PKP4: variants seen among roughly 807,000 people sequenced by gnomAD.
The protein encoded by PKP4 is plakophilin-4.
A neutral mutation model predicts 145.1 loss-of-function variants in PKP4; 90 were observed. That is an observed-to-expected ratio of 0.62 (90% CI 0.52 to 0.74). The LOEUF (loss-of-function observed/expected upper bound fraction) is 0.74. Among genes scored for constraint, PKP4 ranks in the 30% least tolerant of loss-of-function variants. The probability of loss-of-function intolerance (pLI) is 0.00; values close to 1 mark genes in which losing one functional copy is unlikely to be tolerated. For synonymous variants in PKP4, 563 were observed against 577.2 expected (o/e 0.98, Z 0.35); for missense variants, 1,340 against 1,482.7 (o/e 0.90, Z 1.58).
At chr2:158,550,390 TG>T (rs2045514111) in intron 2 of PKP4, among the ~76,000 whole-genome samples, 1 of 100,050 alleles carries the variant, frequency 1.0e-5, no homozygotes, top group Non-Finnish European at 2.9e-5. Flanking sequence ...TTTTGACAAA[TG>T]AATGTAGTCA....
intron 15 of PKP4, among the ~76,000 whole-genome samples, chr2:158,663,834 A>T (rs923164950): frequency 6.6e-6 from 1 of 152,234 alleles, no homozygotes; most frequent in Non-Finnish European, 1.5e-5. Context: ...TGCCCGGCAG[A>T]ATCTCTGAAG....
At position 158,567,064 on chromosome 2, in the gene PKP4, G is replaced by A. The variant is rs572452881; in HGVS notation, c.133-10207G>A. ...GGGAGGAAGGGGAGGCTGTAATAAG[G>A]GAGTAAATCATAAAATCACCCTGAA... On this transcript the variant is annotated intron_variant, in intron 2 of 21. Transcript: ENST00000389759. 7.2e-5 allele frequency among the ~76,000 whole-genome samples: 11 copies of A among 152,268 alleles called. No individual in the cohort carries two copies. The South Asian group carries it at 2.1e-3, about 29-fold the overall frequency.
intron 2 of PKP4, among the ~76,000 whole-genome samples, chr2:158,545,346 C>T (rs546605671): frequency 7.2e-5 from 11 of 151,922 alleles, no homozygotes; most frequent in African/African-American, 1.4e-4. Flanking sequence ...GAAATAAGGA[C>T]GAGAAAGAAA....
rs1300549780 is a variant in PKP4, at chr2:158,680,559, C to T, written c.3461C>T (p.Thr1154Ile). Reference sequence around the variant, plus strand: ...GACCGAGTTCACTTTCCAGCTTCTACTGATTACTCAACACAGTATGGACTG... The same window carrying T: ...GACCGAGTTCACTTTCCAGCTTCTATTGATTACTCAACACAGTATGGACTG... ...FDDRVHFPAS[T>I]DYSTQYGLKS... Residue 1154 changes from threonine to isoleucine, a missense_variant, in exon 22 of 22, where the codon ACT (threonine) becomes ATT (isoleucine). By Grantham distance (89) the Thr-to-Ile change is moderately conservative (BLOSUM62 -1). Coordinates refer to ENST00000389759, the MANE Select transcript of PKP4 (RefSeq NM_003628.6). The T allele has an allele frequency of 2.5e-6, 4 of 1,613,980 alleles. No individual in the cohort carries two copies. The highest frequency in any genetic ancestry group is 3.4e-6 in the Non-Finnish European group (4 of 1,179,974).
chr2:158,523,256 G>A (rs2042591352), intron 1 of PKP4, among the ~76,000 whole-genome samples: 1 of 145,530 alleles, frequency 6.9e-6, no homozygotes, highest in Non-Finnish European at 1.5e-5. Context: ...AGAGAGCAGT[G>A]GTTCTCCCAG....
At chr2:158,486,703 G>T (rs910868472) in intron 1 of PKP4, among the ~76,000 whole-genome samples, 1 of 152,208 alleles carries the variant, frequency 6.6e-6, no homozygotes, top group Admixed American at 6.5e-5. Context: ...TTGGGAAGCA[G>T]TCTAGAAAGA....
At chr2:158,515,333 T>C (rs2041846011) in intron 1 of PKP4, among the ~76,000 whole-genome samples, 1 of 152,160 alleles carries the variant, frequency 6.6e-6, no homozygotes, top group Non-Finnish European at 1.5e-5. Flanking sequence ...TGTCAAGAAA[T>C]TTAAGCCTGG....
intron 4 of PKP4, among the ~76,000 whole-genome samples, chr2:158,605,315 A>G (rs368821343): frequency 6.6e-6 from 1 of 152,188 alleles, no homozygotes; most frequent in South Asian, 2.1e-4. Flanking sequence ...AAAATGCCCA[A>G]CCTTTAGAAG....
At chr2:158,645,083 A>G (rs182971691) in intron 11 of PKP4, among the ~76,000 whole-genome samples, 1 of 152,218 alleles carries the variant, frequency 6.6e-6, no homozygotes, top group Non-Finnish European at 1.5e-5. Flanking sequence ...AAAATACAAC[A>G]TTAATATTCC....
Position 158,640,657 on chromosome 2 carries a change from T to C in PKP4, c.1593T>C (p.Pro531=). 1 of 1,613,862 alleles carries C rather than the reference T, an allele frequency of 6.2e-7. No homozygotes were observed. The highest frequency in any genetic ancestry group is 8.5e-7 in the Non-Finnish European group (1 of 1,179,950). Reference sequence around the variant, plus strand: ...TTGCCTGGCGTGATCCTGAGTTGCCTGAGGTCATTCACATGCTTCAGCACC... The same window carrying C: ...TTGCCTGGCGTGATCCTGAGTTGCCCGAGGTCATTCACATGCTTCAGCACC... The part of the protein sequence containing the change: ...REFAWRDPEL[P]EVIHMLQHQF... The change falls in exon 10 of 22, where the codon CCT becomes CCC. Residue 531 remains proline, a synonymous_variant. Coordinates refer to ENST00000389759, the MANE Select transcript of PKP4 (RefSeq NM_003628.6).
intron 1 of PKP4, among the ~76,000 whole-genome samples, chr2:158,528,626 T>TA (rs2043193720): frequency 2.4e-5 from 1 of 41,442 alleles, no homozygotes; most frequent in East Asian, 1.1e-3. Context: ...CCCTAGAACT[T>TA]AAAGTATAAT....
chr2:158,588,657 G>T (rs1030297424), intron 3 of PKP4, among the ~76,000 whole-genome samples: 1 of 152,054 alleles, frequency 6.6e-6, no homozygotes. Context: ...ATGAACATTA[G>T]TACAGTGACA....
intron 19 of PKP4, among the ~76,000 whole-genome samples, chr2:158,675,859 G>T (rs888673279): frequency 6.6e-6 from 1 of 152,134 alleles, no homozygotes; most frequent in Non-Finnish European, 1.5e-5. Context: ...CAAAACCACT[G>T]GTGTCAAGGT....
At chr2:158,619,567 T>G (rs888443827) in intron 4 of PKP4, among the ~76,000 whole-genome samples, 3 of 152,306 alleles carry the variant, frequency 2.0e-5, no homozygotes, top group East Asian at 3.9e-4. Flanking sequence ...TAAAGCAGCT[T>G]AATCAGCAGT....
chr2:158,568,243 CAGG>C (rs1028583236), intron 2 of PKP4, among the ~76,000 whole-genome samples: 4 of 152,210 alleles, frequency 2.6e-5, no homozygotes, highest in African/African-American at 7.2e-5. Context: ...GAAGCTGAGG[CAGG>C]AGAATCACTT....
chr2:158,650,970 A>G (rs1412120796), intron 11 of PKP4, among the ~76,000 whole-genome samples: 1 of 152,212 alleles, frequency 6.6e-6, no homozygotes, highest in Non-Finnish European at 1.5e-5. Flanking sequence ...GGGTCACTGC[A>G]CAGGTTTCAG....
intron 4 of PKP4, among the ~76,000 whole-genome samples, chr2:158,614,158 A>G (rs1574787807): frequency 6.6e-6 from 1 of 152,212 alleles, no homozygotes; most frequent in East Asian, 1.9e-4. Flanking sequence ...AGAGATACAA[A>G]TGGAAGTATT....
chr2:158,653,176 A>G (rs1404684344), intron 11 of PKP4, among the ~76,000 whole-genome samples: 3 of 151,368 alleles, frequency 2.0e-5, no homozygotes, highest in Admixed American at 2.0e-4. Context: ...TTTCATATCA[A>G]AAAGAAAAAC....
At chr2:158,664,611 C>T (rs1037382553) in intron 15 of PKP4, among the ~76,000 whole-genome samples, 1 of 152,168 alleles carries the variant, frequency 6.6e-6, no homozygotes, top group Admixed American at 6.5e-5. Flanking sequence ...TGGTTTGTTT[C>T]GTGCACGTGG....
Sources: gnomAD v4.1 joint callset for allele counts (sites outside exome capture counted in the v4.1 genomes callset) on GRCh38, gnomAD v4.1.1 for gene constraint, MANE v1.5 for transcripts, NCBI Gene and HGNC (gene_info 2026-07-23, HGNC 2026-07-21) for gene names.